The following VIRMA variants were observed in gnomAD, a reference collection of about 807,000 sequenced individuals.
The protein encoded by VIRMA is vir like m6A methyltransferase associated.
In VIRMA, 65 loss-of-function variants were observed where a neutral mutation model predicts 182.4. That is an observed-to-expected ratio of 0.36 (90% CI 0.29 to 0.44). The LOEUF is 0.44. Among genes scored for constraint, VIRMA ranks in the 20% least tolerant of loss-of-function variants. VIRMA has a pLI of 1.00. For synonymous variants in VIRMA, 709 were observed against 743.1 expected, an observed-to-expected ratio of 0.95 and a Z score of 0.75; for missense variants, 1,752 against 2,158.1, an observed-to-expected ratio of 0.81 and a Z score of 3.73.
chr8:94,529,182 A>G lies in VIRMA; in HGVS notation c.768T>C (p.Asp256=). The G allele has an allele frequency of 7.0e-7, 1 of 1,429,470 alleles. No individual in the cohort carries two copies. Among genetic ancestry groups the G allele is most frequent in the Non-Finnish European group, 9.9e-7 (1 of 1,012,322 alleles). The allele number at this position is 1,429,470 out of a possible 1,614,324, so 88.5% of individuals were successfully genotyped here. Residue 256 remains aspartate (D), a synonymous_variant, in exon 7 of 24, where the codon GAT becomes GAC. Transcript: ENST00000297591. ...EEGEEDEDDV[D]VEEEEDEDED... is the part of the protein sequence containing the mutation. ...CATCCTCATCCTCTTCTTCCTCTAC[A>G]TCCACATCATCTTCATCTTCTTCTC...
chr8:94,530,496 C>CAA (rs35685716), intron 6 of VIRMA, among the ~76,000 whole-genome samples: 32 of 79,048 alleles, frequency 4.0e-4, no homozygotes, highest in East Asian at 8.9e-4. Context: ...AAACCTGTCT[C>CAA]AAAAAAAAAA....
chr8:94,492,527 C>T, intron 21 of VIRMA, 125 bp downstream of exon 21: 3 of 651,966 alleles, frequency 4.6e-6, no homozygotes, highest in Non-Finnish European at 7.6e-6. Flanking sequence ...TGACCTCGGC[C>T]TCCCAAAATG....
At chr8:94,508,161 A>G (rs929175310) in intron 15 of VIRMA, among the ~76,000 whole-genome samples, 3 of 151,996 alleles carry the variant, frequency 2.0e-5, no homozygotes, top group African/African-American at 4.8e-5. Context: ...ATCTCGGCTC[A>G]TTGCAACCTA....
intron 22 of VIRMA, among the ~76,000 whole-genome samples, chr8:94,491,132 G>A (rs56069388): frequency 0.17 from 23,105 of 135,530 alleles, 2,624 homozygotes; most frequent in South Asian, 0.35. Context: ...TGGCAAACAC[G>A]GCGAAAACCC....
chr8:94,540,972 G>C (rs1215659300), intron 2 of VIRMA, among the ~76,000 whole-genome samples: 2 of 151,398 alleles, frequency 1.3e-5, no homozygotes, highest in East Asian at 3.9e-4. Flanking sequence ...CTCACATAAG[G>C]TATTATATTT....
intron 11 of VIRMA, among the ~76,000 whole-genome samples, chr8:94,514,190 T>A (rs1162836703): frequency 6.6e-6 from 1 of 152,248 alleles, no homozygotes; most frequent in Non-Finnish European, 1.5e-5. Context: ...AGGTCCATTC[T>A]GCTCTTCTAA....
intron 18 of VIRMA, 158 bp downstream of exon 18, chr8:94,496,170 G>A (rs909673909): frequency 1.5e-6 from 1 of 674,998 alleles, no homozygotes; most frequent in African/African-American, 1.8e-5. Context: ...CAGGATGGAG[G>A]ACTTCACTTC....
At position 94,525,915 on chromosome 8, in the gene VIRMA, C is replaced by T. The variant is rs572609301; in HGVS notation, c.2021+308G>A. On this transcript the variant is annotated intron_variant, in intron 8 of 23. Coordinates refer to ENST00000297591, the MANE Select transcript of VIRMA (RefSeq NM_015496.5). ...TCCTTCCTACACCATTCCTTTGTTA[C>T]CACCTTCCCAGAAGCAAGTCAGCAG... Among the ~76,000 whole-genome samples the T allele has an allele frequency of 1.1e-4, 16 of 152,272 alleles. No individual in the cohort carries two copies. In the South Asian group the frequency reaches 3.3e-3, roughly 32 times the overall value.
chr8:94,541,372 T>A (rs1815548451), intron 2 of VIRMA, among the ~76,000 whole-genome samples: 2 of 152,016 alleles, frequency 1.3e-5, no homozygotes, highest in South Asian at 4.1e-4. Context: ...AGTGCTGGGA[T>A]TAGAGGCCTG....
At chr8:94,499,721 A>G (rs1019119772) in intron 16 of VIRMA, among the ~76,000 whole-genome samples, 3 of 152,152 alleles carry the variant, frequency 2.0e-5, no homozygotes, top group Non-Finnish European at 4.4e-5. Context: ...ATCTTAAAAA[A>G]AAATTCCCCC....
At chr8:94,511,894 A>G in intron 12 of VIRMA, 102 bp downstream of exon 12, 1 of 683,216 alleles carries the variant, frequency 1.5e-6, no homozygotes, top group Non-Finnish European at 2.1e-6. Flanking sequence ...GATATTTTTC[A>G]TTATTAAATA....
At chr8:94,545,375 GA>G (rs1815724768) in intron 1 of VIRMA, among the ~76,000 whole-genome samples, 1 of 152,160 alleles carries the variant, frequency 6.6e-6, no homozygotes, top group Non-Finnish European at 1.5e-5. Flanking sequence ...CATCTAGAAA[GA>G]CTGAGTCTCG....
At chr8:94,509,610 A>C in intron 15 of VIRMA, 78 bp downstream of exon 15, 1 of 1,441,770 alleles carries the variant, frequency 6.9e-7, no homozygotes, top group Non-Finnish European at 9.3e-7. Context: ...CAAAATTTAC[A>C]TCAAGATGCT....
intron 16 of VIRMA, among the ~76,000 whole-genome samples, chr8:94,500,901 A>G (rs986027145): frequency 6.6e-6 from 1 of 152,080 alleles, no homozygotes; most frequent in African/African-American, 2.4e-5. Context: ...GTCAAAACAC[A>G]TAGAACTGTA....
intron 20 of VIRMA, among the ~76,000 whole-genome samples, chr8:94,493,716 C>T (rs556707341): frequency 1.1e-3 from 166 of 152,270 alleles, no homozygotes; most frequent in African/African-American, 3.9e-3. Flanking sequence ...AAAGGAAAAG[C>T]AGCCCTCAAC....
intron 1 of VIRMA, chr8:94,547,067 A>T (rs1409661627): frequency 2.2e-6 from 1 of 454,094 alleles, no homozygotes; most frequent in Non-Finnish European, 4.4e-6. Context: ...AAATCTAGAT[A>T]GGTGCCTCTC....
chr8:94,546,533 T>C (rs570070654), intron 1 of VIRMA, among the ~76,000 whole-genome samples: 1 of 151,308 alleles, frequency 6.6e-6, no homozygotes, highest in African/African-American at 2.5e-5. Context: ...AGGATCCTAA[T>C]TGATTTTGTG....
Position 94,496,456 on chromosome 8 carries a change from G to T in VIRMA, c.4255C>A (p.Leu1419Ile). 8 of 1,612,566 alleles carry T rather than the reference G, an allele frequency of 5.0e-6. No individual in the cohort carries two copies. Among genetic ancestry groups the T allele is most frequent in the Non-Finnish European group, 6.8e-6 (8 of 1,179,210 alleles). Residue 1419 changes from leucine (L) to isoleucine (I), a missense_variant, in exon 18 of 24, where the codon CTC (leucine) becomes ATC (isoleucine). Transcript: ENST00000297591. ...TIGCCGDDNG[L>I]MEVEGAHTSR... ...GTATGAGCTCCCTCTACTTCCATGA[G>T]ACCATTATCATCTCCACAGCATCCC...
intron 8 of VIRMA, among the ~76,000 whole-genome samples, chr8:94,523,730 G>A (rs1814855663): frequency 6.6e-6 from 1 of 151,568 alleles, no homozygotes. Context: ...CTGGGTTCAA[G>A]CGATTCTCCT....
Sources: allele counts gnomAD v4.1 joint callset (sites outside exome capture counted in the v4.1 genomes callset), GRCh38; gene constraint gnomAD v4.1.1; transcripts MANE v1.5; gene names NCBI Gene and HGNC (gene_info 2026-07-23, HGNC 2026-07-21).